ZNF577: variants seen among roughly 807,000 people sequenced by gnomAD.
ZNF577 encodes zinc finger protein 577.
Under a neutral mutation model 13.9 loss-of-function variants are expected in ZNF577, and 14 were observed. The ratio of observed to expected loss-of-function variants is 1.00; its 90% CI spans 0.66 to 1.57. The LOEUF (loss-of-function observed/expected upper bound fraction) is 1.57. ZNF577 is among the 40% of genes most tolerant of loss of function. ZNF577 has a pLI of 0.00. For synonymous variants in ZNF577, 203 were observed against 202.9 expected (o/e 1.00, Z 0.00); for missense variants, 555 against 579.2 (o/e 0.96, Z 0.43).
intron 8 of ZNF577, among the ~76,000 whole-genome samples, chr19:51,841,700 C>A (rs2084321702): frequency 6.6e-6 from 1 of 152,120 alleles, no homozygotes; most frequent in South Asian, 2.1e-4. Context: ...GGGTGGATCA[C>A]CTGGGGTCAG....
chr19:51,824,364 T>C lies in ZNF577; in HGVS notation c.*600-12690A>G, dbSNP rs1415384642. 10 of 1,614,168 alleles carry C rather than the reference T, an allele frequency of 6.2e-6. No individual in the cohort carries two copies. Among genetic ancestry groups the C allele is most frequent in the African/African-American group, 1.3e-5 (1 of 75,056 alleles). The stretch of plus-strand genomic sequence containing the variant: ...GGCCAAGGTCTTTCTGATCCTCCAC[T>C]TCATTATTGGCTTCAGCGTGCCTAT... On this transcript the variant is annotated intron_variant and NMD_transcript_variant, in intron 9 of 10. Coordinates refer to the ZNF577 transcript ENST00000638827. This position sits in a 1 kb window ranked among gnomAD's most constrained non-coding sequence, Gnocchi z 4.7.
intron 1 of ZNF577, among the ~76,000 whole-genome samples, chr19:51,884,871 C>CT (rs1455284853): frequency 6.6e-6 from 1 of 152,188 alleles, no homozygotes; most frequent in Non-Finnish European, 1.5e-5. Flanking sequence ...AACAATCATT[C>CT]TGACAAGAAA....
intron 5 of ZNF577, among the ~76,000 whole-genome samples, chr19:51,876,923 T>A (rs1361797991): frequency 7.2e-6 from 1 of 139,688 alleles, no homozygotes; most frequent in East Asian, 2.0e-4. Flanking sequence ...CGAGACTCCG[T>A]CTCAAAAAAA....
Position 51,887,460 on chromosome 19 carries a change from G to A in ZNF577, c.-858C>T, listed in dbSNP as rs904307456. The A allele has an allele frequency of 3.3e-5, 5 of 152,186 alleles. No homozygotes were observed. Among genetic ancestry groups the A allele is most frequent in the Non-Finnish European group, 7.3e-5 (5 of 68,036 alleles). 9.4% of individuals were successfully genotyped at this position (152,186 alleles called of 1,614,324 possible). A position where few individuals can be genotyped will look rare whatever the true frequency, so the allele number is the denominator to read the frequency against. ...GGGATGTTATTACTTGGGTCGCAAT[G>A]AACCTGAAAACCCATTTTCTACAGA... On this transcript the variant is annotated 5_prime_UTR_variant, in exon 1 of 6. Transcript: ENST00000638348.
chr19:51,841,744 C>A (rs554404538), intron 8 of ZNF577, among the ~76,000 whole-genome samples: 30 of 152,268 alleles, frequency 2.0e-4, no homozygotes, highest in Non-Finnish European at 2.6e-4. Flanking sequence ...CATGGTGAAA[C>A]CTCATCTGTA....
In ZNF577 at chr19:51,871,078, G is replaced by A. The variant is rs1365859134; in HGVS notation, c.*1454C>T. Among the ~76,000 whole-genome samples the A allele has an allele frequency of 1.3e-5, 2 of 152,040 alleles. No homozygotes were observed. Among genetic ancestry groups the A allele is most frequent in the African/African-American group, 2.4e-5 (1 of 41,402 alleles). On this transcript the variant is annotated 3_prime_UTR_variant, in exon 6 of 6. Coordinates refer to ENST00000638348, the MANE Select transcript of ZNF577 (RefSeq NM_001370449.1). Reference sequence around the variant, plus strand: ...AGGTGCATTATGTCATATGCATTCCGTACTCATAATGAAGTATGTTAGTTT... The same window carrying A: ...AGGTGCATTATGTCATATGCATTCCATACTCATAATGAAGTATGTTAGTTT...
chr19:51,814,391 CCTCT>C (rs1449778208), intron 9 of ZNF577, among the ~76,000 whole-genome samples: 1 of 152,208 alleles, frequency 6.6e-6, no homozygotes, highest in Non-Finnish European at 1.5e-5. Flanking sequence ...AAATTATCTC[CCTCT>C]GGAGCAGAAG....
chr19:51,852,577 A>G (rs2084384291), intron 5 of ZNF577, among the ~76,000 whole-genome samples: 1 of 148,222 alleles, frequency 6.7e-6, no homozygotes, highest in African/African-American at 2.6e-5. Flanking sequence ...GGGAACAGAC[A>G]GGGCAGATTC....
At chr19:51,852,669 C>G (rs912776293) in intron 5 of ZNF577, among the ~76,000 whole-genome samples, 4 of 152,112 alleles carry the variant, frequency 2.6e-5, no homozygotes, top group African/African-American at 9.7e-5. Flanking sequence ...GTGTAGAGAT[C>G]TTGCCCATAG....
intron 5 of ZNF577, among the ~76,000 whole-genome samples, chr19:51,846,142 T>C (rs529287708): frequency 6.6e-6 from 1 of 152,202 alleles, no homozygotes; most frequent in South Asian, 2.1e-4. Flanking sequence ...GCCTCCTGAG[T>C]AGTTGGGACT....
At chr19:51,875,366 A>AAG (rs2122679062) in intron 5 of ZNF577, among the ~76,000 whole-genome samples, 1 of 118,722 alleles carries the variant, frequency 8.4e-6, no homozygotes, top group South Asian at 3.7e-4. Flanking sequence ...TCTGTCACAA[A>AAG]AAAAAAAAAA....
Position 51,873,289 on chromosome 19 carries a change from C to T in ZNF577, c.701G>A (p.Arg234Lys), listed in dbSNP as rs9807847. The T allele has an allele frequency of 8.1e-6, 13 of 1,613,290 alleles. No homozygotes were observed. In the African/African-American group the frequency reaches 1.5e-4, roughly 18 times the overall value. ...GTAGGGTTTCTCTCCTGTATGGGTT[C>T]TCTGATGGACCATGAGCTGTGACTT... is the stretch of plus-strand genomic sequence containing the variant. Reference protein sequence around the residue: ...SRKSQLMVHQRTHTGEKPYRC... With the variant: ...SRKSQLMVHQKTHTGEKPYRC... Residue 234 changes from arginine to lysine, a missense_variant, in exon 6 of 6, where the codon AGA becomes AAA. Arg to Lys is a conservative substitution (Grantham distance 26, BLOSUM62 2). Coordinates refer to ENST00000638348, the MANE Select transcript of ZNF577 (RefSeq NM_001370449.1).
intron 9 of ZNF577, among the ~76,000 whole-genome samples, chr19:51,832,276 C>G (rs907191829): frequency 6.6e-6 from 1 of 152,136 alleles, no homozygotes; most frequent in Admixed American, 6.5e-5. Flanking sequence ...TTAAAAGATA[C>G]AGAGCAATGT....
At chr19:51,839,883 G>A (rs1171923386) in intron 9 of ZNF577, 2 of 152,190 alleles carry the variant, frequency 1.3e-5, no homozygotes, top group Non-Finnish European at 2.9e-5. Flanking sequence ...AACAGCGCTG[G>A]GAAACTCACC....
downstream of ZNF577, chr19:51,863,003 T>C (rs1013196017): frequency 6.6e-6 from 1 of 152,230 alleles, no homozygotes; most frequent in Non-Finnish European, 1.5e-5. Context: ...TTCCCTTCTC[T>C]ATGATGAGTT....
chr19:51,884,366 T>C (rs947902118), intron 1 of ZNF577, among the ~76,000 whole-genome samples: 3 of 152,210 alleles, frequency 2.0e-5, no homozygotes, highest in African/African-American at 7.2e-5. Context: ...GGATTTGCTA[T>C]GAAAGTCTCC....
At chr19:51,812,577 C>T (rs1457558937) in intron 9 of ZNF577, among the ~76,000 whole-genome samples, 1 of 152,224 alleles carries the variant, frequency 6.6e-6, no homozygotes, top group Non-Finnish European at 1.5e-5. Flanking sequence ...GTTGCCTCCA[C>T]CTCTGAAGAA....
rs1210771055 is a variant in ZNF577 at position 51,852,943 on chromosome 19, TTC to T, written c.284-8014_284-8013del. Among the ~76,000 whole-genome samples, 16 of 149,610 alleles carry T rather than the reference TTC, an allele frequency of 1.1e-4. 1 individual carries two copies. The highest frequency in any genetic ancestry group is 2.3e-4 in the African/African-American group (9 of 39,232). On this transcript the variant is annotated intron_variant and NMD_transcript_variant, in intron 5 of 10. Transcript: ENST00000638827. ...AGACAGTTTTCTTTTCTTTTTTTTTTTCTTTGAGACAGGGTTTCACTCCCATT... is the reference window on the plus strand; with the variant it reads ...AGACAGTTTTCTTTTCTTTTTTTTTTTTTGAGACAGGGTTTCACTCCCATT...
At chr19:51,817,209 T>C (rs1370826002) in intron 9 of ZNF577, among the ~76,000 whole-genome samples, 1 of 152,186 alleles carries the variant, frequency 6.6e-6, no homozygotes, top group African/African-American at 2.4e-5. Flanking sequence ...CATTGTTCCC[T>C]TGTCCTTCAG....
Sources: gnomAD v4.1 joint callset for allele counts (sites outside exome capture counted in the v4.1 genomes callset) on GRCh38, gnomAD v4.1.1 for gene constraint, Gnocchi (gnomAD v3.1) non-coding constraint, MANE v1.5 for transcripts, NCBI Gene and HGNC (gene_info 2026-07-23, HGNC 2026-07-21) for gene names.